The following MYRFL variants were observed in gnomAD, a reference collection of about 807,000 sequenced individuals.
The protein encoded by MYRFL is myelin regulatory factor-like protein.
A neutral mutation model predicts 109.4 loss-of-function variants in MYRFL; 88 were observed. The ratio of observed to expected loss-of-function variants is 0.80; its 90% confidence interval spans 0.68 to 0.96. The LOEUF (loss-of-function observed/expected upper bound fraction) is 0.96, where lower values mean the gene tolerates loss of function less well. Among genes scored for constraint, MYRFL ranks in the 40% least tolerant of loss-of-function variants. The pLI, the probability that MYRFL is intolerant of heterozygous loss-of-function variation, is 0.00. For missense variants in MYRFL, 957 were observed against 954.9 expected (o/e 1.00, Z -0.03); for synonymous variants, 324 against 320.9 (o/e 1.01, Z -0.10).
chr12:69,862,161 A>G (rs1884720629), intron 2 of MYRFL, among the ~76,000 whole-genome samples: 3 of 151,182 alleles, frequency 2.0e-5, no homozygotes, highest in Non-Finnish European at 3.0e-5. Context: ...GCCTTGTAGT[A>G]TAGTTTGAAG....
At chr12:69,863,203 A>G (rs1332781807) in intron 2 of MYRFL, among the ~76,000 whole-genome samples, 1 of 152,252 alleles carries the variant, frequency 6.6e-6, no homozygotes, top group African/African-American at 2.4e-5. Context: ...ATATTGGTCT[A>G]AAATTCTCTT....
intron 16 of MYRFL, among the ~76,000 whole-genome samples, chr12:69,933,083 A>AAGAT (rs558433199): frequency 3.5e-4 from 54 of 152,362 alleles, no homozygotes; most frequent in Admixed American, 1.0e-3. Flanking sequence ...AAGGGACACC[A>AAGAT]AGATATACCA....
At chr12:69,954,293 G>A (rs1355068638) in intron 21 of MYRFL, among the ~76,000 whole-genome samples, 1 of 152,190 alleles carries the variant, frequency 6.6e-6, no homozygotes, top group African/African-American at 2.4e-5. Flanking sequence ...TGTGAAGCAT[G>A]CAGATAATGG....
chr12:69,923,052 G>C (rs1954961069), intron 13 of MYRFL, among the ~76,000 whole-genome samples: 1 of 152,096 alleles, frequency 6.6e-6, no homozygotes, highest in Non-Finnish European at 1.5e-5. Context: ...GTCTCCCAAA[G>C]GTAAATAATA....
At chr12:69,866,401 A>G (rs527445088) in intron 2 of MYRFL, among the ~76,000 whole-genome samples, 8 of 152,178 alleles carry the variant, frequency 5.3e-5, no homozygotes, top group Non-Finnish European at 1.2e-4. Flanking sequence ...GGCTAGTTCA[A>G]TGATCATTAG....
At chr12:69,847,040 G>A (rs1233687631) in intron 1 of MYRFL, among the ~76,000 whole-genome samples, 2 of 152,014 alleles carry the variant, frequency 1.3e-5, no homozygotes, top group African/African-American at 2.4e-5. Context: ...CTTTTTGATG[G>A]GGTTGTTTGT....
intron 1 of MYRFL, among the ~76,000 whole-genome samples, chr12:69,833,797 A>G (rs1030882225): frequency 6.9e-6 from 1 of 144,692 alleles, no homozygotes; most frequent in African/African-American, 2.6e-5. Context: ...TGTAGAACTC[A>G]TGTCTCCTGT....
At chr12:69,875,572 G>A (rs1422310338) in intron 2 of MYRFL, among the ~76,000 whole-genome samples, 1 of 152,114 alleles carries the variant, frequency 6.6e-6, no homozygotes, top group Non-Finnish European at 1.5e-5. Context: ...GGACTGCTAC[G>A]GGTCCATGGC....
chr12:69,952,640 C>T (rs987196520), intron 20 of MYRFL, among the ~76,000 whole-genome samples, 159 bp from the exon 21 acceptor site: 1 of 152,136 alleles, frequency 6.6e-6, no homozygotes, highest in Non-Finnish European at 1.5e-5. Flanking sequence ...TCTCCCCTTC[C>T]TTTTCCTCCT....
intron 1 of MYRFL, among the ~76,000 whole-genome samples, chr12:69,854,372 AGG>A (rs1884140884): frequency 2.0e-5 from 3 of 150,454 alleles, no homozygotes; most frequent in East Asian, 2.0e-4. Context: ...GGAGAGGGAG[AGG>A]GAGAGGATTT....
At chr12:69,853,739 T>C (rs1239600723) in intron 1 of MYRFL, among the ~76,000 whole-genome samples, 2 of 131,640 alleles carry the variant, frequency 1.5e-5, no homozygotes, top group African/African-American at 5.9e-5. Flanking sequence ...CGCTCCTCAC[T>C]TCCCAGACTG....
chr12:69,931,325 C>A (rs1955263408), intron 15 of MYRFL, among the ~76,000 whole-genome samples: 1 of 152,196 alleles, frequency 6.6e-6, no homozygotes, highest in South Asian at 2.1e-4. Flanking sequence ...GTCCTCCGAA[C>A]AGTTTCTGTG....
intron 19 of MYRFL, among the ~76,000 whole-genome samples, chr12:69,951,848 A>C (rs6581910): frequency 0.035 from 5,295 of 152,324 alleles, 317 homozygotes; most frequent in African/African-American, 0.12. Context: ...ATTCTGAGGT[A>C]CTGGGGGATA....
intron 5 of MYRFL, among the ~76,000 whole-genome samples, chr12:69,884,940 G>C (rs1886352006): frequency 6.6e-6 from 1 of 152,098 alleles, no homozygotes; most frequent in Non-Finnish European, 1.5e-5. Flanking sequence ...AGATTGCTTG[G>C]CCCTTAAGTG....
intron 2 of MYRFL, among the ~76,000 whole-genome samples, chr12:69,868,907 C>T (rs572734438): frequency 5.3e-5 from 8 of 151,774 alleles, no homozygotes; most frequent in South Asian, 4.2e-4. Context: ...TACGCACACG[C>T]GCACACACAC....
chr12:69,886,772 G>A (rs1337256289), intron 5 of MYRFL, 48 bp from the exon 6 acceptor site: 2 of 1,531,346 alleles, frequency 1.3e-6, no homozygotes, highest in South Asian at 1.2e-5. Context: ...TGTGAGTTTA[G>A]GAAAAACAGC....
At chr12:69,829,817 G>C (rs1220502950) in intron 1 of MYRFL, among the ~76,000 whole-genome samples, 1 of 152,098 alleles carries the variant, frequency 6.6e-6, no homozygotes, top group East Asian at 1.9e-4. Context: ...AAACAACTTT[G>C]ATTAGCTGGT....
At chr12:69,833,183 G>C (rs867979532) in intron 1 of MYRFL, among the ~76,000 whole-genome samples, 3 of 152,026 alleles carry the variant, frequency 2.0e-5, no homozygotes, top group Admixed American at 1.3e-4. Context: ...ACCAAGAAGA[G>C]TACAGATAGA....
intron 13 of MYRFL, among the ~76,000 whole-genome samples, chr12:69,915,476 A>T (rs1954701858): frequency 6.6e-6 from 1 of 152,176 alleles, no homozygotes; most frequent in East Asian, 1.9e-4. Context: ...GGTACCTCAC[A>T]ACCTGATGCC....
Sources: gnomAD v4.1 joint callset for allele counts (sites outside exome capture counted in the v4.1 genomes callset) on GRCh38, gnomAD v4.1.1 for gene constraint, MANE v1.5 for transcripts, NCBI Gene and HGNC (gene_info 2026-07-23, HGNC 2026-07-21) for gene names.